CCDC125: variants seen among roughly 807,000 people sequenced by gnomAD.
CCDC125 encodes coiled-coil domain-containing protein 125.
Under a neutral mutation model 57.4 loss-of-function variants are expected in CCDC125, and 43 were observed. The observed-to-expected ratio is 0.75, with a 90% CI of 0.59 to 0.97. The LOEUF is 0.97. Ranked by LOEUF, CCDC125 falls within the 50% of genes least tolerant of loss-of-function variation. The pLI is 0.00. For missense variants in CCDC125, 563 were observed against 595.7 expected, an observed-to-expected ratio of 0.95 and a Z score of 0.57; for synonymous variants, 187 against 195.2, an observed-to-expected ratio of 0.96 and a Z score of 0.35.
chr5:69,282,758 G>C lies in CCDC125; in HGVS notation c.1507C>G (p.His503Asp). 6.3e-7 allele frequency: 1 copy of C among 1,599,874 alleles called. No individual in the cohort carries two copies. Among genetic ancestry groups the C allele is most frequent in the Non-Finnish European group, 8.5e-7 (1 of 1,175,072 alleles). ...DPNYRTLKRS[H>D]SLPSSIIF The stretch of plus-strand genomic sequence containing the variant: ...AATATGATACTTGATGGCAAAGAAT[G>C]GGATCTTTTAAGAGTTCTATAGTTT... Residue 503 changes from histidine (H) to aspartate (D), a missense_variant, in exon 12 of 12, where the codon CAT becomes GAT. By Grantham distance (81) the His-to-Asp change is moderately conservative. Coordinates refer to ENST00000396496, the MANE Select transcript of CCDC125 (RefSeq NM_176816.5).
intron 10 of CCDC125, among the ~76,000 whole-genome samples, chr5:69,289,080 G>A (rs1000308433): frequency 1.3e-5 from 2 of 152,204 alleles, no homozygotes; most frequent in Non-Finnish European, 2.9e-5. Flanking sequence ...TAATGGCCAA[G>A]CTCCACACAG....
At chr5:69,275,066 A>G in the CCDC125 span, among the ~76,000 whole-genome samples, 1 of 147,232 alleles carries the variant, frequency 6.8e-6, no homozygotes, top group Non-Finnish European at 1.5e-5. Flanking sequence ...TCTGTATCCA[A>G]AAAAAAAAAA....
At chr5:69,315,629 GCGCCTGTAA>G (rs1561468731) in intron 2 of CCDC125, among the ~76,000 whole-genome samples, 1 of 150,708 alleles carries the variant, frequency 6.6e-6, no homozygotes, top group African/African-American at 2.4e-5. Flanking sequence ...ATGGTGGCGG[GCGCCTGTAA>G]TCCCTGCTAC....
At chr5:69,305,632 T>C (rs1757211118) in intron 6 of CCDC125, among the ~76,000 whole-genome samples, 2 of 152,212 alleles carry the variant, frequency 1.3e-5, no homozygotes, top group Admixed American at 6.5e-5. Context: ...CTGAGGGCAG[T>C]CACTCTCTGG....
rs1759819105 is a variant in CCDC125, at chr5:69,320,300, T to A, written c.241A>T (p.Ser81Cys). The A allele has an allele frequency of 6.2e-7, 1 of 1,614,152 alleles. No homozygotes were observed. Among genetic ancestry groups the A allele is most frequent in the Non-Finnish European group, 8.5e-7 (1 of 1,180,012 alleles). The change falls in exon 2 of 12, where the codon AGC (serine) becomes TGC (cysteine). Residue 81 changes from serine (S) to cysteine (C), a missense_variant. Coordinates refer to ENST00000396496, the MANE Select transcript of CCDC125 (RefSeq NM_176816.5). ...ACTTGAGGGAATGTATCTTGCTGGC[T>A]CTTATGCTTGGAATACTGAAAACTC... ...EASFQYSKHK[S>C]QQDTFPQVSR...
chr5:69,328,228 G>A (rs549110572), intron 1 of CCDC125, among the ~76,000 whole-genome samples: 1 of 152,194 alleles, frequency 6.6e-6, no homozygotes, highest in Non-Finnish European at 1.5e-5. Flanking sequence ...ATTAAAATGA[G>A]TCTGTATTTA....
At chr5:69,274,324 T>C in the CCDC125 span, among the ~76,000 whole-genome samples, 1 of 152,208 alleles carries the variant, frequency 6.6e-6, no homozygotes, top group African/African-American at 2.4e-5. Context: ...TGCTGTGATT[T>C]AGAAGTAATG....
chr5:69,303,396 A>C (rs1756829629), intron 7 of CCDC125, among the ~76,000 whole-genome samples: 1 of 113,724 alleles, frequency 8.8e-6, no homozygotes, highest in Non-Finnish European at 1.7e-5. Context: ...ATGGAGTCTC[A>C]CTCTGTTGTC....
chr5:69,321,803 T>G (rs954695148), intron 1 of CCDC125, among the ~76,000 whole-genome samples: 3 of 152,198 alleles, frequency 2.0e-5, no homozygotes, highest in African/African-American at 7.2e-5. Context: ...TAAATGCCCT[T>G]GCAATCCAAT....
At chr5:69,300,878 T>G (rs1214954775) in intron 7 of CCDC125, among the ~76,000 whole-genome samples, 1 of 152,026 alleles carries the variant, frequency 6.6e-6, no homozygotes, top group African/African-American at 2.4e-5. Context: ...TCCTTTCTTT[T>G]CTTCTTTTTT....
In CCDC125 at chr5:69,329,617, C is replaced by T. The variant is rs370676840; in HGVS notation, c.-41+3032G>A. 4.9e-4 allele frequency among the ~76,000 whole-genome samples: 75 copies of T among 151,826 alleles called. No homozygotes were observed. In the East Asian group the frequency reaches 8.5e-3, roughly 17 times the overall value. ...CTCCTGGGTCAAGTGATTCTCCCAC[C>T]TCAGCCTCCTGAGTAGCTGGGATTA... On this transcript the variant is annotated intron_variant, in intron 1 of 11. Coordinates refer to ENST00000396496, the MANE Select transcript of CCDC125 (RefSeq NM_176816.5).
chr5:69,277,796 G>A (rs139490113), downstream of CCDC125, among the ~76,000 whole-genome samples: 56 of 151,780 alleles, frequency 3.7e-4, no homozygotes, highest in East Asian at 9.7e-3. Context: ...TAGTAGTGGT[G>A]TAGTAAATAC....
downstream of CCDC125, among the ~76,000 whole-genome samples, chr5:69,275,898 C>T (rs964214961): frequency 4.6e-5 from 7 of 152,122 alleles, no homozygotes; most frequent in African/African-American, 1.4e-4. Context: ...GCTTCCATCC[C>T]CAAGGTACGT....
chr5:69,293,684 A>T (rs1219967752), intron 9 of CCDC125, among the ~76,000 whole-genome samples: 2 of 151,308 alleles, frequency 1.3e-5, no homozygotes, highest in African/African-American at 2.4e-5. Context: ...TAATTTTTTT[A>T]AATTTAATTT....
chr5:69,311,667 A>T (rs527830141), intron 3 of CCDC125, among the ~76,000 whole-genome samples: 3 of 151,280 alleles, frequency 2.0e-5, no homozygotes, highest in Non-Finnish European at 4.4e-5. Flanking sequence ...AAAATAAAAA[A>T]TAGCTGGGCA....
At chr5:69,300,149 A>C in intron 7 of CCDC125, 22 bp from the exon 8 acceptor site, 2 of 1,554,360 alleles carry the variant, frequency 1.3e-6, no homozygotes, top group Non-Finnish European at 1.8e-6. Flanking sequence ...CATATGAGAA[A>C]GTATTCATTA....
Position 69,311,233 on chromosome 5 carries a change from T to C in CCDC125, c.367-29A>G, listed in dbSNP as rs751823818. On this transcript the variant is annotated intron_variant, in intron 3 of 11. Transcript: ENST00000396496. ...AGGACAGAAAGAAAATTAGTCTTCC[T>C]ATCTGCAAGATATGCAACCCTAAAA... The C allele has an allele frequency of 4.3e-6, 6 of 1,380,502 alleles. No individual in the cohort carries two copies. The Admixed American group carries it at 8.9e-5, about 20-fold the overall frequency. The allele number at this position is 1,380,502 out of a possible 1,614,324, so 85.5% of individuals were successfully genotyped here.
At chr5:69,324,648 G>C (rs1760491648) in intron 1 of CCDC125, among the ~76,000 whole-genome samples, 1 of 152,166 alleles carries the variant, frequency 6.6e-6, no homozygotes, top group African/African-American at 2.4e-5. Flanking sequence ...ACGCATTTCT[G>C]ACATATGCAT....
intron 11 of CCDC125, 32 bp from the exon 12 acceptor site, chr5:69,283,066 T>C: frequency 6.7e-7 from 1 of 1,502,368 alleles, no homozygotes; most frequent in Non-Finnish European, 9.0e-7. Flanking sequence ...ATGTACAAGT[T>C]AGTCAATAAA....
Sources: gnomAD v4.1 joint callset for allele counts (sites outside exome capture counted in the v4.1 genomes callset) on GRCh38, gnomAD v4.1.1 for gene constraint, MANE v1.5 for transcripts, NCBI Gene and HGNC (gene_info 2026-07-23, HGNC 2026-07-21) for gene names.